Variants in IFT43 observed in about 807,000 individuals in gnomAD.
The protein encoded by IFT43 is intraflagellar transport 43.
In IFT43, 33 loss-of-function variants were observed where a neutral mutation model predicts 32.3. The observed-to-expected ratio is 1.02, with a 90% CI of 0.77 to 1.37. The LOEUF is 1.37. Among genes scored for constraint, IFT43 ranks in the 40% most tolerant of loss-of-function variants. IFT43 has a pLI of 0.00. For missense variants in IFT43, 274 were observed against 265.9 expected, an observed-to-expected ratio of 1.03 and a Z score of -0.21; for synonymous variants, 93 against 98.2, an observed-to-expected ratio of 0.95 and a Z score of 0.31.
chr14:76,045,894 G>A (rs576558233), intron 3 of IFT43, among the ~76,000 whole-genome samples: 1 of 152,326 alleles, frequency 6.6e-6, no homozygotes, highest in East Asian at 1.9e-4. Context: ...ACTGGTATTT[G>A]AATCAAGATG....
intron 3 of IFT43, among the ~76,000 whole-genome samples, chr14:76,044,288 C>T (rs1167421856): frequency 6.6e-6 from 1 of 152,138 alleles, no homozygotes; most frequent in Non-Finnish European, 1.5e-5. Context: ...GATCCGCCTG[C>T]CTCAGCCTCC....
intron 2 of IFT43, among the ~76,000 whole-genome samples, chr14:75,997,564 C>A (rs1159391337): frequency 6.6e-6 from 1 of 152,204 alleles, no homozygotes; most frequent in Admixed American, 6.5e-5. Context: ...TTTGGTTTGA[C>A]TCCTTTTTGG....
intron 2 of IFT43, among the ~76,000 whole-genome samples, chr14:75,999,124 T>C (rs1026116610): frequency 7.5e-5 from 11 of 146,730 alleles, no homozygotes; most frequent in Non-Finnish European, 1.0e-4. Flanking sequence ...CTTTTTGTCC[T>C]CTTAACCAGT....
chr14:75,988,924 C>A lies in IFT43; in HGVS notation c.94C>A (p.Gln32Lys), dbSNP rs770573692. The A allele has an allele frequency of 1.2e-6, 2 of 1,613,858 alleles. No homozygotes were observed. The highest frequency in any genetic ancestry group is 2.7e-5 in the African/African-American group (2 of 74,890). Residue 32 changes from glutamine (Q) to lysine (K), a missense_variant, in exon 2 of 9, where the codon CAG (glutamine) becomes AAG (lysine). By Grantham distance (53) the Gln-to-Lys change is moderately conservative. Coordinates refer to ENST00000314067, the MANE Select transcript of IFT43 (RefSeq NM_001102564.3). Reference protein sequence around the residue: ...MGRRAQQESAQAENHLNGKNS... With the variant: ...MGRRAQQESAKAENHLNGKNS... ...TCGCCGAGCTCAACAGGAGTCAGCG[C>A]AGGCCGAGAATCACCTCAATGGCAA...
intron 1 of IFT43, chr14:75,986,088 G>T: frequency 6.8e-7 from 1 of 1,468,818 alleles, no homozygotes; most frequent in South Asian, 1.2e-5. Context: ...CGGCGTCTAG[G>T]ACCGTGGGAA....
At chr14:76,028,973 A>T (rs927388752) in intron 3 of IFT43, among the ~76,000 whole-genome samples, 37 of 152,312 alleles carry the variant, frequency 2.4e-4, no homozygotes, top group African/African-American at 8.2e-4. Context: ...TTGGGTATGT[A>T]TATACCACCC....
At chr14:76,022,233 A>G (rs751950625) in intron 2 of IFT43, 94 bp from the exon 3 acceptor site, 11 of 1,137,532 alleles carry the variant, frequency 9.7e-6, no homozygotes, top group Non-Finnish European at 1.3e-5. Context: ...CCTGGGTGAC[A>G]GAGTGAGATT....
At chr14:76,016,973 A>G (rs1594819117) in intron 2 of IFT43, among the ~76,000 whole-genome samples, 3 of 152,188 alleles carry the variant, frequency 2.0e-5, no homozygotes, top group Admixed American at 6.5e-5. Context: ...TTGTATTTAT[A>G]AGATCATATC....
chr14:76,060,844 T>C (rs1471352416), intron 5 of IFT43, among the ~76,000 whole-genome samples: 1 of 140,080 alleles, frequency 7.1e-6, no homozygotes, highest in Non-Finnish European at 1.6e-5. Flanking sequence ...CTTCCTTCCT[T>C]CCTTCCTTCC....
At chr14:76,073,794 C>T (rs1329065217) in intron 5 of IFT43, among the ~76,000 whole-genome samples, 5 of 152,138 alleles carry the variant, frequency 3.3e-5, no homozygotes, top group African/African-American at 9.7e-5. Context: ...ATTGCAGCAG[C>T]GGAGGGACAG....
chr14:76,006,536 T>G (rs2035983703), intron 2 of IFT43, among the ~76,000 whole-genome samples: 1 of 152,212 alleles, frequency 6.6e-6, no homozygotes, highest in Non-Finnish European at 1.5e-5. Flanking sequence ...AAGTTTTTAC[T>G]GATAGGAGAA....
At chr14:76,008,496 T>C (rs553008844) in intron 2 of IFT43, among the ~76,000 whole-genome samples, 8 of 152,348 alleles carry the variant, frequency 5.3e-5, no homozygotes, top group East Asian at 1.9e-4. Context: ...ATTCTCATTT[T>C]ACACATGAGG....
At position 76,082,293 on chromosome 14, in the gene IFT43, A is replaced by G. The variant is rs1391161521; in HGVS notation, c.296-2A>G. ...CAGTGTTGCCTCTGCCTCTCCTTGC[A>G]GATATTCCTATCATTCCGGATCTGG... On this transcript the variant is annotated splice_acceptor_variant, in intron 5 of 8. Transcript: ENST00000314067. LOFTEE classifies it high-confidence loss of function. 1 of 1,613,890 alleles carries G rather than the reference A, an allele frequency of 6.2e-7. No homozygotes were observed. Among genetic ancestry groups the G allele is most frequent in the South Asian group, 1.1e-5 (1 of 91,076 alleles).
intron 5 of IFT43, among the ~76,000 whole-genome samples, chr14:76,066,218 A>G (rs1475254974): frequency 6.6e-6 from 1 of 152,234 alleles, no homozygotes; most frequent in African/African-American, 2.4e-5. Context: ...TTTCAAGAAT[A>G]CTTCTAGTAT....
chr14:76,034,377 T>C (rs1293321016), intron 3 of IFT43, among the ~76,000 whole-genome samples: 1 of 152,142 alleles, frequency 6.6e-6, no homozygotes, highest in Admixed American at 6.5e-5. Flanking sequence ...CATAATCTCA[T>C]CTAAACCTAA....
At chr14:76,076,636 A>G (rs778969832) in intron 5 of IFT43, 1 of 1,614,194 alleles carries the variant, frequency 6.2e-7, no homozygotes, top group East Asian at 2.2e-5. Context: ...ATCTGAACGC[A>G]TGCTATCACA....
intron 1 of IFT43, chr14:75,986,198 C>G (rs1241312975): frequency 2.3e-6 from 3 of 1,312,616 alleles, no homozygotes; most frequent in Non-Finnish European, 3.0e-6. Flanking sequence ...GGGTCGCACT[C>G]GCTCCCATCC....
chr14:76,075,504 G>GA (rs1326393950), intron 5 of IFT43, among the ~76,000 whole-genome samples: 4 of 152,008 alleles, frequency 2.6e-5, no homozygotes, highest in Admixed American at 2.6e-4. Flanking sequence ...TTTTGACTTA[G>GA]AAAAAAATTA....
At chr14:75,990,335 C>G (rs1183215912) in intron 2 of IFT43, among the ~76,000 whole-genome samples, 1 of 152,230 alleles carries the variant, frequency 6.6e-6, no homozygotes, top group African/African-American at 2.4e-5. Context: ...ATTAAATCAT[C>G]ATATGGGCTG....
Sources: gnomAD v4.1 joint callset for allele counts (sites outside exome capture counted in the v4.1 genomes callset) on GRCh38, gnomAD v4.1.1 for gene constraint, MANE v1.5 for transcripts, NCBI Gene and HGNC (gene_info 2026-07-23, HGNC 2026-07-21) for gene names.